The following SV2C variants were observed in gnomAD, a reference collection of about 807,000 sequenced individuals.
SV2C encodes solute carrier family 22 member B3.
A neutral mutation model predicts 79.7 loss-of-function variants in SV2C; 49 were observed. That is an observed-to-expected ratio of 0.61 (90% confidence interval 0.49 to 0.78). The LOEUF is 0.78. Ranked by LOEUF, SV2C falls within the 30% of genes least tolerant of loss-of-function variation. SV2C has a pLI of 0.00. For synonymous variants in SV2C, 334 were observed against 333.2 expected, an observed-to-expected ratio of 1.00 and a Z score of -0.03; for missense variants, 833 against 912.9, an observed-to-expected ratio of 0.91 and a Z score of 1.13.
the SV2C span, among the ~76,000 whole-genome samples, chr5:76,004,038 A>G: frequency 6.6e-6 from 1 of 152,018 alleles, no homozygotes; most frequent in African/African-American, 2.4e-5. Context: ...TGAATGGAGC[A>G]CAGGAGGGAC....
At chr5:75,908,105 G>A in the SV2C span, among the ~76,000 whole-genome samples, 9 of 152,202 alleles carry the variant, frequency 5.9e-5, no homozygotes, top group African/African-American at 1.9e-4. Flanking sequence ...ATCGTTTTTA[G>A]TATATTCACA....
intron 2 of SV2C, among the ~76,000 whole-genome samples, chr5:76,139,573 G>T (rs1432847607): frequency 6.6e-6 from 1 of 152,156 alleles, no homozygotes; most frequent in Non-Finnish European, 1.5e-5. Context: ...TCTGTCTTTA[G>T]TGTGCTGACA....
At chr5:76,120,146 C>CA (rs920481932) in intron 1 of SV2C, among the ~76,000 whole-genome samples, 18 of 151,852 alleles carry the variant, frequency 1.2e-4, no homozygotes, top group Non-Finnish European at 1.8e-4. Flanking sequence ...TATAATGTGT[C>CA]AAAAAATTTT....
At chr5:76,148,598 C>T (rs921903490) in intron 2 of SV2C, among the ~76,000 whole-genome samples, 1 of 152,146 alleles carries the variant, frequency 6.6e-6, no homozygotes, top group Admixed American at 6.5e-5. Flanking sequence ...TATAGGTGCA[C>T]ACCATCACAT....
chr5:76,209,712 T>A (rs1177111738), intron 3 of SV2C, 24 bp from the exon 4 acceptor site: 2 of 1,609,056 alleles, frequency 1.2e-6, no homozygotes, highest in Non-Finnish European at 1.7e-6. Context: ...CCTGATTTCA[T>A]GTATTCTCTG....
At chr5:75,909,426 T>C in the SV2C span, among the ~76,000 whole-genome samples, 1 of 152,182 alleles carries the variant, frequency 6.6e-6, no homozygotes, top group Non-Finnish European at 1.5e-5. Flanking sequence ...ACTAGCTAAT[T>C]GTAGCTGCTG....
At chr5:76,131,021 C>T (rs1358120796) in intron 1 of SV2C, among the ~76,000 whole-genome samples, 1 of 152,126 alleles carries the variant, frequency 6.6e-6, no homozygotes, top group African/African-American at 2.4e-5. Context: ...TCTGACAATC[C>T]TGTGGATATG....
At chr5:76,089,090 T>C (rs1747290131) in intron 1 of SV2C, among the ~76,000 whole-genome samples, 1 of 152,196 alleles carries the variant, frequency 6.6e-6, no homozygotes. Context: ...GGTAAACATG[T>C]GCCATGGTGG....
intron 9 of SV2C, among the ~76,000 whole-genome samples, chr5:76,298,160 C>T (rs1235741536): frequency 2.0e-5 from 3 of 152,070 alleles, no homozygotes; most frequent in Non-Finnish European, 4.4e-5. Flanking sequence ...CTCATAATTC[C>T]TTTTGGTTCA....
the SV2C span, among the ~76,000 whole-genome samples, chr5:75,971,385 G>C: frequency 2.6e-5 from 4 of 152,050 alleles, no homozygotes; most frequent in East Asian, 7.7e-4. Flanking sequence ...AAGTCAAATT[G>C]TCCCTGTTTG....
the SV2C span, among the ~76,000 whole-genome samples, chr5:75,933,653 G>A: frequency 6.6e-6 from 1 of 152,176 alleles, no homozygotes; most frequent in African/African-American, 2.4e-5. Context: ...TTTGACACAG[G>A]CAAGTAAGTA....
the SV2C span, among the ~76,000 whole-genome samples, chr5:76,070,693 T>G: frequency 5.1e-4 from 78 of 152,316 alleles, no homozygotes; most frequent in Middle Eastern, 0.017. Context: ...CTTTTGGTAG[T>G]TCATGAACAC....
intron 12 of SV2C, among the ~76,000 whole-genome samples, chr5:76,351,403 G>A (rs1017493123): frequency 6.6e-6 from 1 of 151,272 alleles, no homozygotes; most frequent in African/African-American, 2.4e-5. Context: ...AGCCATGATC[G>A]CACCACTGCA....
In SV2C at chr5:76,156,918, T is replaced by C. The variant is rs548390283; in HGVS notation, c.580+24588T>C. ...AGCCTTAGAGAATTACAAGACACCA[T>C]TGAGTGCACCAACCTATATGTAATG... On this transcript the variant is annotated intron_variant, in intron 2 of 12. Coordinates refer to ENST00000502798, the MANE Select transcript of SV2C (RefSeq NM_014979.4). Among the ~76,000 whole-genome samples the C allele has an allele frequency of 2.0e-5, 3 of 152,084 alleles. No individual in the cohort carries two copies. In the South Asian group the frequency reaches 6.2e-4, roughly 32 times the overall value.
chr5:76,122,034 C>CT (rs1561224900), intron 1 of SV2C, among the ~76,000 whole-genome samples: 1 of 152,068 alleles, frequency 6.6e-6, no homozygotes, highest in African/African-American at 2.4e-5. Flanking sequence ...TTTGTATCTT[C>CT]TTTTATTTCA....
rs1747753034 is a variant in SV2C, at chr5:76,296,222, G to A, written c.1502+280G>A. 1.5e-5 allele frequency: 3 copies of A among 199,260 alleles called. No individual in the cohort carries two copies. The South Asian group carries it at 3.4e-4, about 23-fold the overall frequency. The allele number at this position is 199,260 out of a possible 1,614,324, so 12.3% of individuals were successfully genotyped here. On this transcript the variant is annotated intron_variant, in intron 9 of 12. Coordinates refer to ENST00000502798, the MANE Select transcript of SV2C (RefSeq NM_014979.4). ...GGAAGGAAAATTTAGAGCAATGTTGGAGAGCAACAAAAATAATGGAAGGAA... is the reference window on the plus strand; with the variant it reads ...GGAAGGAAAATTTAGAGCAATGTTGAAGAGCAACAAAAATAATGGAAGGAA...
rs926975270 is a variant in SV2C at position 76,333,417 on chromosome 5, A to C, written c.*7870A>C. On this transcript the variant is annotated 3_prime_UTR_variant, in exon 13 of 13. Coordinates refer to ENST00000502798, the MANE Select transcript of SV2C (RefSeq NM_014979.4). ...TAGAAGAGTTTTCTCTTTCAGGTGAACTTCCATTTTGAACATATGCTAAAC... is the reference window on the plus strand; with the variant it reads ...TAGAAGAGTTTTCTCTTTCAGGTGACCTTCCATTTTGAACATATGCTAAAC... 1.3e-5 allele frequency: 2 copies of C among 152,216 alleles called. No individual in the cohort carries two copies. Among genetic ancestry groups the C allele is most frequent in the Non-Finnish European group, 2.9e-5 (2 of 68,034 alleles). 9.4% of individuals were successfully genotyped at this position (152,216 alleles called of 1,614,324 possible). A position where few individuals can be genotyped will look rare whatever the true frequency, so the allele number is the denominator to read the frequency against.
the SV2C span, among the ~76,000 whole-genome samples, chr5:75,923,705 A>G: frequency 6.6e-6 from 1 of 152,200 alleles, no homozygotes; most frequent in East Asian, 1.9e-4. Context: ...TTAAAACCAC[A>G]ATGAAATACC....
At chr5:76,064,908 A>G in the SV2C span, among the ~76,000 whole-genome samples, 1 of 152,210 alleles carries the variant, frequency 6.6e-6, no homozygotes, top group Non-Finnish European at 1.5e-5. Flanking sequence ...AAAGAACAAC[A>G]GAGAAAGCTA....
Sources: allele counts gnomAD v4.1 joint callset (sites outside exome capture counted in the v4.1 genomes callset), GRCh38; gene constraint gnomAD v4.1.1; transcripts MANE v1.5; gene names NCBI Gene and HGNC (gene_info 2026-07-23, HGNC 2026-07-21).